CLASP1: variants seen among roughly 807,000 people sequenced by gnomAD.
CLASP1 encodes CLIP-associating protein 1.
Under a neutral mutation model 192.3 loss-of-function variants are expected in CLASP1, and 38 were observed. The ratio of observed to expected loss-of-function variants is 0.20; its 90% CI spans 0.15 to 0.26. The LOEUF is 0.26. Among genes scored for constraint, CLASP1 ranks in the 10% least tolerant of loss-of-function variants. The pLI is 1.00. For missense variants in CLASP1, 1,433 were observed against 1,932.5 expected (o/e 0.74, Z 4.85); for synonymous variants, 691 against 712.8 (o/e 0.97, Z 0.49).
At chr2:121,467,518 T>A (rs1392993785) in intron 9 of CLASP1, among the ~76,000 whole-genome samples, 1 of 152,342 alleles carries the variant, frequency 6.6e-6, no homozygotes, top group South Asian at 2.1e-4. Context: ...TGGTGTGAGA[T>A]GGTATCTCAT....
intron 7 of CLASP1, among the ~76,000 whole-genome samples, chr2:121,509,623 A>C (rs1319849480): frequency 6.6e-6 from 1 of 152,214 alleles, no homozygotes; most frequent in Non-Finnish European, 1.5e-5. Flanking sequence ...GGAACACACG[A>C]GGGCAGAAGT....
intron 1 of CLASP1, among the ~76,000 whole-genome samples, chr2:121,637,849 G>A (rs921921462): frequency 3.3e-5 from 5 of 151,618 alleles, no homozygotes; most frequent in African/African-American, 7.3e-5. Flanking sequence ...TTATGCCACC[G>A]CATCCTAGCC....
chr2:121,363,371 G>T (rs1427156145), intron 36 of CLASP1, 71 bp from the exon 38 acceptor site: 8 of 1,583,022 alleles, frequency 5.1e-6, no homozygotes, highest in Non-Finnish European at 5.1e-6. Context: ...AGTCAGCAGG[G>T]TCGGCAAGGC....
At chr2:121,519,834 A>C (rs1326447722) in intron 6 of CLASP1, among the ~76,000 whole-genome samples, 1 of 152,182 alleles carries the variant, frequency 6.6e-6, no homozygotes, top group Non-Finnish European at 1.5e-5. Context: ...GGACACTCTA[A>C]TAGAGAAGAG....
At chr2:121,599,285 G>C (rs1040772321) in intron 2 of CLASP1, among the ~76,000 whole-genome samples, 19 of 146,654 alleles carry the variant, frequency 1.3e-4, no homozygotes, top group African/African-American at 4.9e-4. Context: ...TCTCTTTTCA[G>C]CCCTTAAAGA....
intron 9 of CLASP1, among the ~76,000 whole-genome samples, chr2:121,463,793 A>T (rs568808545): frequency 1.3e-5 from 2 of 152,274 alleles, no homozygotes; most frequent in Admixed American, 1.3e-4. Context: ...TGGAAGGGGT[A>T]TGGACGCGAG....
At chr2:121,599,086 A>G (rs1015410795) in intron 2 of CLASP1, among the ~76,000 whole-genome samples, 3 of 151,488 alleles carry the variant, frequency 2.0e-5, no homozygotes, top group Non-Finnish European at 4.4e-5. Context: ...GCTGGTCGTG[A>G]ACTCCTGGCC....
intron 36 of CLASP1, chr2:121,364,481 T>C (rs77111909): frequency 0.013 from 2,023 of 155,426 alleles, 42 homozygotes; most frequent in African/African-American, 0.045. Flanking sequence ...AAGAGTTCTC[T>C]ATGTGCGATG....
chr2:121,338,950 T>C (rs985684207), exon 40 of CLASP1: 5 of 152,402 alleles, frequency 3.3e-5, no homozygotes, highest in African/African-American at 1.2e-4. Flanking sequence ...AAAAAAGAAA[T>C]ACCATTAATG....
intron 2 of CLASP1, among the ~76,000 whole-genome samples, chr2:121,595,975 G>A (rs1452484785): frequency 6.6e-6 from 1 of 152,198 alleles, no homozygotes; most frequent in East Asian, 1.9e-4. Flanking sequence ...TACAGATGAG[G>A]AAATACATTC....
At chr2:121,352,800 C>T (rs1162670998) in intron 37 of CLASP1, among the ~76,000 whole-genome samples, 1 of 152,032 alleles carries the variant, frequency 6.6e-6, no homozygotes. Flanking sequence ...ATTACAGGTG[C>T]GTGCCACCAC....
At chr2:121,501,003 C>A in intron 8 of CLASP1, among the ~76,000 whole-genome samples, 1 of 152,146 alleles carries the variant, frequency 6.6e-6, no homozygotes, top group South Asian at 2.1e-4. Context: ...ATATCCAATG[C>A]CACACAGTTT....
chr2:121,373,123 A>G (rs985581557), intron 34 of CLASP1, among the ~76,000 whole-genome samples: 1 of 152,202 alleles, frequency 6.6e-6, no homozygotes, highest in Non-Finnish European at 1.5e-5. Flanking sequence ...GTGGGAGGTA[A>G]TTCGATCACG....
chr2:121,589,538 G>A (rs1203300277), intron 2 of CLASP1, among the ~76,000 whole-genome samples: 2 of 151,570 alleles, frequency 1.3e-5, no homozygotes, highest in South Asian at 2.1e-4. Flanking sequence ...GCTGAGGCAG[G>A]AGAATTGCTT....
At chr2:121,490,142 C>A in intron 8 of CLASP1, 1 of 334,518 alleles carries the variant, frequency 3.0e-6, no homozygotes, top group Non-Finnish European at 5.8e-6. Flanking sequence ...ATACCAACAA[C>A]ATTCATAACA....
chr2:121,514,747 T>A (rs535727496), intron 7 of CLASP1, among the ~76,000 whole-genome samples: 1 of 152,328 alleles, frequency 6.6e-6, no homozygotes, highest in African/African-American at 2.4e-5. Context: ...AGTTGACTCC[T>A]GTATATTTCA....
At chr2:121,614,785 A>C (rs919988576) in intron 1 of CLASP1, among the ~76,000 whole-genome samples, 1 of 152,240 alleles carries the variant, frequency 6.6e-6, no homozygotes, top group Non-Finnish European at 1.5e-5. Context: ...CACTTGAAAG[A>C]GTTTCCAGCA....
chr2:121,389,949 C>T (rs2074058186), intron 30 of CLASP1, among the ~76,000 whole-genome samples: 1 of 151,668 alleles, frequency 6.6e-6, no homozygotes, highest in Non-Finnish European at 1.5e-5. Flanking sequence ...TCATAGTGCA[C>T]TGCAGCCTCG....
At chr2:121,469,109 T>C (rs754202407) in intron 9 of CLASP1, among the ~76,000 whole-genome samples, 33 of 152,204 alleles carry the variant, frequency 2.2e-4, no homozygotes, top group Non-Finnish European at 4.4e-4. Flanking sequence ...TACTCAGCTT[T>C]CTACAGATTG....
Sources: allele counts gnomAD v4.1 joint callset (sites outside exome capture counted in the v4.1 genomes callset), GRCh38; gene constraint gnomAD v4.1.1; transcripts MANE v1.5; gene names NCBI Gene and HGNC (gene_info 2026-07-23, HGNC 2026-07-21).